FRMD4A: variants seen among roughly 807,000 people sequenced by gnomAD.
The protein encoded by FRMD4A is FERM domain-containing protein 4A.
Under a neutral mutation model 129.1 loss-of-function variants are expected in FRMD4A, and 29 were observed. The ratio of observed to expected loss-of-function variants is 0.22; its 90% CI spans 0.17 to 0.31. FRMD4A has a LOEUF of 0.31. FRMD4A is among the 10% of genes least tolerant of loss of function. The probability of loss-of-function intolerance (pLI) is 1.00; values close to 1 mark genes in which losing one functional copy is unlikely to be tolerated. For synonymous variants in FRMD4A, 634 were observed against 571.6 expected, an observed-to-expected ratio of 1.11 and a Z score of -1.56; for missense variants, 1,272 against 1,375.8, an observed-to-expected ratio of 0.92 and a Z score of 1.19.
intron 3 of FRMD4A, among the ~76,000 whole-genome samples, chr10:13,819,738 C>G (rs976110771): frequency 7.1e-5 from 10 of 140,566 alleles, no homozygotes; most frequent in Admixed American, 2.3e-4. Flanking sequence ...GTCTGGAGTG[C>G]GGGCTGGAGT....
At chr10:13,670,139 C>T (rs955226407) in intron 17 of FRMD4A, among the ~76,000 whole-genome samples, 2 of 152,146 alleles carry the variant, frequency 1.3e-5, no homozygotes, top group African/African-American at 4.8e-5. Flanking sequence ...GAATGTTTTC[C>T]CCAAGCTCAA....
At chr10:13,655,433 T>C (rs1358605658) in intron 22 of FRMD4A, 1 of 152,190 alleles carries the variant, frequency 6.6e-6, no homozygotes, top group Non-Finnish European at 1.5e-5. Context: ...CAAATTTCAC[T>C]GGGCTATTTT....
At chr10:13,780,022 CT>C (rs1359912070) in intron 6 of FRMD4A, among the ~76,000 whole-genome samples, 1 of 151,994 alleles carries the variant, frequency 6.6e-6, no homozygotes, top group East Asian at 1.9e-4. Context: ...GTGGGTGTTT[CT>C]TTTTTAAAAT....
rs1177365569 is a variant in FRMD4A, at chr10:13,652,187, CTT to C, written c.3051-215_3051-214del. 1.4e-5 allele frequency: 8 copies of C among 589,454 alleles called. No individual in the cohort carries two copies. The African/African-American group carries it at 1.5e-4, about 11-fold the overall frequency. The allele number at this position is 589,454 out of a possible 1,614,324, so 36.5% of individuals were successfully genotyped here. A position where few individuals can be genotyped will look rare whatever the true frequency, so the allele number is the denominator to read the frequency against. ...TAGTTTGTTAGGAGGGACGGGCCCT[CTT>C]TTACCCATGGCCTCATTTTGTATCA... is the stretch of plus-strand genomic sequence containing the variant. On this transcript the variant is annotated intron_variant, in intron 23 of 24. Transcript: ENST00000357447.
chr10:14,248,332 T>G (rs1844317144), intron 2 of FRMD4A, among the ~76,000 whole-genome samples: 1 of 152,246 alleles, frequency 6.6e-6, no homozygotes, highest in Non-Finnish European at 1.5e-5. Context: ...AAAATTTAAT[T>G]CCGTTGCACA....
rs2081085319 is a variant in FRMD4A at position 13,645,829 on chromosome 10, C to T, written c.*1209G>A. The T allele has an allele frequency of 2.0e-5, 3 of 152,628 alleles. No individual in the cohort carries two copies. In the South Asian group the frequency reaches 6.2e-4, roughly 32 times the overall value. The allele number at this position is 152,628 out of a possible 1,614,324, so 9.5% of individuals were successfully genotyped here. A position where few individuals can be genotyped will look rare whatever the true frequency, so the allele number is the denominator to read the frequency against. ...GAAAATGAGCCACGACAGTTAAACA[C>T]TGAATGGATCGCAATGTGCTTTTCC... On this transcript the variant is annotated 3_prime_UTR_variant, in exon 25 of 25. Coordinates refer to ENST00000357447, the MANE Select transcript of FRMD4A (RefSeq NM_018027.5).
chr10:14,095,179 C>T (rs1412390823), intron 2 of FRMD4A, among the ~76,000 whole-genome samples: 2 of 152,060 alleles, frequency 1.3e-5, no homozygotes, highest in African/African-American at 2.4e-5. Flanking sequence ...TAAATGAGGC[C>T]GAAATAAAAC....
intron 8 of FRMD4A, among the ~76,000 whole-genome samples, chr10:13,751,472 T>G (rs1196262991): frequency 6.6e-6 from 1 of 152,184 alleles, no homozygotes; most frequent in Non-Finnish European, 1.5e-5. Context: ...CTTAGGGGTG[T>G]CTAGCCCTGT....
At chr10:13,855,978 A>AAT (rs1354788515) in intron 3 of FRMD4A, among the ~76,000 whole-genome samples, 2 of 151,296 alleles carry the variant, frequency 1.3e-5, no homozygotes, top group Non-Finnish European at 2.9e-5. Flanking sequence ...TATAAATATA[A>AAT]ATATATATAT....
intron 6 of FRMD4A, among the ~76,000 whole-genome samples, chr10:13,779,133 A>G (rs1418957862): frequency 1.3e-5 from 2 of 152,076 alleles, no homozygotes; most frequent in African/African-American, 4.8e-5. Context: ...CCTGACTAAC[A>G]CGGTGAAACC....
At chr10:13,887,610 G>A (rs1199857729) in intron 2 of FRMD4A, among the ~76,000 whole-genome samples, 3 of 152,124 alleles carry the variant, frequency 2.0e-5, no homozygotes, top group African/African-American at 7.2e-5. Flanking sequence ...GCCGTGAGCC[G>A]AGATTGCACC....
At position 13,700,668 on chromosome 10, in the gene FRMD4A, T is replaced by A. The variant is rs186211823; in HGVS notation, c.975+672A>T. On this transcript the variant is annotated intron_variant, in intron 14 of 24. Transcript: ENST00000357447. ...AGGAAGAGGGGGCAGAGTGTTGATA[T>A]AAGCCCTGTGTGAACCAAGGAGACG... Among the ~76,000 whole-genome samples, 467 of 152,078 alleles carry A rather than the reference T, an allele frequency of 3.1e-3. 4 individuals are homozygous for A. The highest frequency in any genetic ancestry group is 0.011 in the African/African-American group (445 of 41,494).
chr10:13,899,818 G>A (rs2094799112), intron 2 of FRMD4A, among the ~76,000 whole-genome samples: 2 of 152,304 alleles, frequency 1.3e-5, no homozygotes, highest in East Asian at 1.9e-4. Context: ...AGGCAGCATG[G>A]CCACAGAATT....
intron 2 of FRMD4A, among the ~76,000 whole-genome samples, chr10:13,995,656 C>T (rs182850116): frequency 1.7e-3 from 265 of 152,236 alleles, no homozygotes; most frequent in African/African-American, 6.0e-3. Flanking sequence ...GGTATTGCCC[C>T]GAGAGTAATG....
At chr10:13,683,837 C>T (rs748383158) in intron 15 of FRMD4A, among the ~76,000 whole-genome samples, 22 of 152,006 alleles carry the variant, frequency 1.4e-4, no homozygotes, top group South Asian at 6.2e-4. Flanking sequence ...CTCAGCCTCC[C>T]GAGTAGCTGG....
intron 19 of FRMD4A, 62 bp downstream of exon 19, chr10:13,663,391 T>A: frequency 1.1e-6 from 1 of 925,504 alleles, no homozygotes; most frequent in African/African-American, 1.6e-5. Flanking sequence ...CCAGACTACA[T>A]AGAAATTCAT....
chr10:14,316,805 G>A (rs1846758715), intron 2 of FRMD4A, among the ~76,000 whole-genome samples: 1 of 152,162 alleles, frequency 6.6e-6, no homozygotes, highest in Admixed American at 6.5e-5. Flanking sequence ...ACAGGGGATG[G>A]GTGGAACCAG....
At chr10:13,722,902 G>T (rs929838928) in intron 12 of FRMD4A, among the ~76,000 whole-genome samples, 1 of 151,878 alleles carries the variant, frequency 6.6e-6, no homozygotes, top group African/African-American at 2.4e-5. Flanking sequence ...GGTTAGCTAG[G>T]TCTCCATGCT....
intron 2 of FRMD4A, among the ~76,000 whole-genome samples, chr10:14,221,290 G>A (rs1185527259): frequency 1.3e-5 from 2 of 152,182 alleles, no homozygotes; most frequent in Non-Finnish European, 2.9e-5. Flanking sequence ...ATAGGTCAGG[G>A]ATAACTGCTC....
Sources: gnomAD v4.1 joint callset for allele counts (sites outside exome capture counted in the v4.1 genomes callset) on GRCh38, gnomAD v4.1.1 for gene constraint, MANE v1.5 for transcripts, NCBI Gene and HGNC (gene_info 2026-07-23, HGNC 2026-07-21) for gene names.